SEMA3A: variants seen among roughly 807,000 people sequenced by gnomAD.
The protein encoded by SEMA3A is semaphorin-3A.
SEMA3A carries 29 observed loss-of-function variants against 97.9 expected under a neutral mutation model. The ratio of observed to expected loss-of-function variants is 0.30; its 90% CI spans 0.22 to 0.40. The LOEUF is 0.40. Ranked by LOEUF, SEMA3A falls within the 10% of genes least tolerant of loss-of-function variation. SEMA3A has a pLI of 1.00. For synonymous variants in SEMA3A, 321 were observed against 323.7 expected (o/e 0.99, Z 0.09); for missense variants, 763 against 951.3 (o/e 0.80, Z 2.60).
At chr7:84,446,721 C>T (rs1805422693) in intron 1 of SEMA3A, among the ~76,000 whole-genome samples, 1 of 152,278 alleles carries the variant, frequency 6.6e-6, no homozygotes, top group South Asian at 2.1e-4. Context: ...AGACTGAAAG[C>T]TTTTCTCCTA....
intron 1 of SEMA3A, among the ~76,000 whole-genome samples, chr7:84,448,537 A>G (rs1805483322): frequency 6.6e-6 from 1 of 152,152 alleles, no homozygotes; most frequent in East Asian, 1.9e-4. Context: ...AAGGAGATGA[A>G]GAAAGCAATT....
At chr7:83,991,399 GT>G (rs1430681657) in intron 12 of SEMA3A, among the ~76,000 whole-genome samples, 2 of 151,462 alleles carry the variant, frequency 1.3e-5, no homozygotes, top group Non-Finnish European at 2.9e-5. Context: ...TCTTGTGCCA[GT>G]TTTCAAAGGG....
chr7:84,097,453 T>C (rs187949302), intron 4 of SEMA3A, among the ~76,000 whole-genome samples: 64 of 152,046 alleles, frequency 4.2e-4, no homozygotes, highest in African/African-American at 1.4e-3. Context: ...AAGAGACTGG[T>C]TTAATGTCAT....
chr7:84,376,276 T>C (rs954090262), intron 1 of SEMA3A, among the ~76,000 whole-genome samples: 2 of 152,168 alleles, frequency 1.3e-5, no homozygotes, highest in Admixed American at 1.3e-4. Flanking sequence ...CTGTTTTTTA[T>C]GGTTGTGCTA....
rs771650807 is a variant in SEMA3A at position 83,980,776 on chromosome 7, T to C, written c.1652+545A>G. Among the ~76,000 whole-genome samples the C allele has an allele frequency of 5.5e-4, 83 of 151,660 alleles. 1 individual carries two copies. Among genetic ancestry groups the C allele is most frequent in the Admixed American group, 1.4e-3 (21 of 15,216 alleles). ...TTCAGACACTGCAAATGCAAGGTGATGCTATAATAATATAATAACACTTAA... is the reference window on the plus strand; with the variant it reads ...TTCAGACACTGCAAATGCAAGGTGACGCTATAATAATATAATAACACTTAA... On this transcript the variant is annotated intron_variant, in intron 14 of 16. Coordinates refer to ENST00000265362, the MANE Select transcript of SEMA3A (RefSeq NM_006080.3).
intron 1 of SEMA3A, among the ~76,000 whole-genome samples, chr7:84,427,803 G>C (rs566303288): frequency 6.6e-6 from 1 of 151,928 alleles, no homozygotes; most frequent in South Asian, 2.1e-4. Flanking sequence ...CATTTGTGCT[G>C]ATAAACCACA....
rs117508939 is a variant in SEMA3A, at chr7:84,311,891, T to C, written c.-168-4599A>G. 2.0e-5 allele frequency among the ~76,000 whole-genome samples: 3 copies of C among 152,044 alleles called. No individual in the cohort carries two copies. In the East Asian group the frequency reaches 5.8e-4, roughly 29 times the overall value. On this transcript the variant is annotated intron_variant, in intron 2 of 3. Transcript: ENST00000424555. ...GTAATGAAGTGAAAACACAAGTTTATAAAGTGCTTTCCAATTTTGCAAATA... is the reference window on the plus strand; with the variant it reads ...GTAATGAAGTGAAAACACAAGTTTACAAAGTGCTTTCCAATTTTGCAAATA...
At chr7:84,451,588 G>T (rs988868543) in intron 1 of SEMA3A, among the ~76,000 whole-genome samples, 3 of 152,166 alleles carry the variant, frequency 2.0e-5, no homozygotes, top group African/African-American at 7.2e-5. Context: ...TGAATATTCA[G>T]TGGAGAAGGA....
At chr7:84,259,073 T>G (rs1377170010) in intron 3 of SEMA3A, among the ~76,000 whole-genome samples, 4 of 152,176 alleles carry the variant, frequency 2.6e-5, no homozygotes. Flanking sequence ...ACAACCTCAA[T>G]GTTGAGATAC....
At chr7:84,293,238 G>A (rs183969309) in intron 3 of SEMA3A, among the ~76,000 whole-genome samples, 3 of 152,078 alleles carry the variant, frequency 2.0e-5, no homozygotes, top group Non-Finnish European at 2.9e-5. Flanking sequence ...TGTTTTATCC[G>A]TACCCTATGC....
chr7:84,029,478 TTAAC>T (rs1204833057), intron 6 of SEMA3A, among the ~76,000 whole-genome samples: 6 of 152,312 alleles, frequency 3.9e-5, no homozygotes, highest in East Asian at 1.9e-4. Context: ...TCTAGCTACT[TTAAC>T]TATAATGTTT....
chr7:84,236,646 A>G (rs1799241303), intron 3 of SEMA3A, among the ~76,000 whole-genome samples: 1 of 152,132 alleles, frequency 6.6e-6, no homozygotes, highest in Admixed American at 6.6e-5. Context: ...AGACTTTTCC[A>G]TCTATGATAT....
intron 2 of SEMA3A, among the ~76,000 whole-genome samples, chr7:84,311,343 T>C (rs891364852): frequency 6.6e-6 from 1 of 151,984 alleles, no homozygotes; most frequent in South Asian, 2.1e-4. Flanking sequence ...TCTATTAGAA[T>C]AAATGTATGT....
At chr7:84,130,661 T>G (rs1795935639) in intron 2 of SEMA3A, among the ~76,000 whole-genome samples, 2 of 152,114 alleles carry the variant, frequency 1.3e-5, no homozygotes, top group Non-Finnish European at 2.9e-5. Context: ...GAATGATTGC[T>G]GGGCAATCCC....
At chr7:84,049,696 ATTCTT>A (rs1421172521) in intron 5 of SEMA3A, among the ~76,000 whole-genome samples, 1 of 151,200 alleles carries the variant, frequency 6.6e-6, no homozygotes, top group African/African-American at 2.4e-5. Context: ...TTATATGTTG[ATTCTT>A]TTTTTTTTCA....
chr7:84,348,811 C>T (rs1343537871), intron 2 of SEMA3A, among the ~76,000 whole-genome samples: 1 of 151,998 alleles, frequency 6.6e-6, no homozygotes, highest in African/African-American at 2.4e-5. Flanking sequence ...GGTGAAACCC[C>T]GTCTCTACTA....
At chr7:84,219,899 G>A (rs1273439196) in intron 3 of SEMA3A, among the ~76,000 whole-genome samples, 3 of 152,102 alleles carry the variant, frequency 2.0e-5, no homozygotes, top group Non-Finnish European at 2.9e-5. Context: ...TAATGTTGAC[G>A]GCTGCTGACT....
chr7:84,445,951 C>T (rs1051985835), intron 1 of SEMA3A, among the ~76,000 whole-genome samples: 1 of 151,804 alleles, frequency 6.6e-6, no homozygotes, highest in African/African-American at 2.4e-5. Flanking sequence ...ATGGACACAC[C>T]TTTAACTATA....
rs1449205509 is a variant in SEMA3A, at chr7:83,992,185, AT to A, written c.1453-6709del. Among the ~76,000 whole-genome samples the A allele has an allele frequency of 2.0e-5, 3 of 150,724 alleles. No individual in the cohort carries two copies. The South Asian group carries it at 6.3e-4, about 32-fold the overall frequency. ...GGTGATATCCCCTTTATCATTTTTT[AT>A]TGTGTCTATTTGATTCTTCTCTTTT... On this transcript the variant is annotated intron_variant, in intron 12 of 16. Coordinates refer to ENST00000265362, the MANE Select transcript of SEMA3A (RefSeq NM_006080.3).
Sources: allele counts gnomAD v4.1 joint callset (sites outside exome capture counted in the v4.1 genomes callset), GRCh38; gene constraint gnomAD v4.1.1; transcripts MANE v1.5; gene names NCBI Gene and HGNC (gene_info 2026-07-23, HGNC 2026-07-21).